Variants in HLA-DRB5 observed in about 807,000 individuals in gnomAD.
The protein encoded by HLA-DRB5 is major histocompatibility complex, class II, DR beta 5.
HLA-DRB5 carries 11 observed loss-of-function variants against 22.4 expected under a neutral mutation model. That is an observed-to-expected ratio of 0.49 (90% CI 0.31 to 0.81). The LOEUF (loss-of-function observed/expected upper bound fraction) is 0.81, where lower values mean the gene tolerates loss of function less well. Among genes scored for constraint, HLA-DRB5 ranks in the 40% least tolerant of loss-of-function variants. The pLI is 0.05. For missense variants in HLA-DRB5, 106 were observed against 274.4 expected (o/e 0.39, Z 4.34); for synonymous variants, 57 against 106.0 (o/e 0.54, Z 2.84).
intron 2 of HLA-DRB5, among the ~76,000 whole-genome samples, chr6:32,520,337 C>G (rs143187717): frequency 4.3e-4 from 32 of 75,142 alleles, no homozygotes; most frequent in Non-Finnish European, 6.7e-4. Flanking sequence ...TACTGCCATG[C>G]ACTCACACCT....
chr6:32,528,323 T>G (rs1188552166), intron 1 of HLA-DRB5, among the ~76,000 whole-genome samples: 52,335 of 92,548 alleles, frequency 0.57, 11,416 homozygotes, highest in Middle Eastern at 0.65. Context: ...TCTCCTCCAC[T>G]CTTGTGTAAC....
rs139060225 is a variant in HLA-DRB5 at position 32,525,862 on chromosome 6, G to A, written c.101-3688C>T. Among the ~76,000 whole-genome samples, 614 of 103,320 alleles carry A rather than the reference G, an allele frequency of 5.9e-3. No homozygotes were observed. The East Asian group carries it at 0.063, about 11-fold the overall frequency. 67.8% of individuals were successfully genotyped at this position (103,320 alleles called of 152,430 possible). A position where few individuals can be genotyped will look rare whatever the true frequency, so the allele number is the denominator to read the frequency against. On this transcript the variant is annotated intron_variant, in intron 1 of 5. Coordinates refer to ENST00000374975, the MANE Select transcript of HLA-DRB5 (RefSeq NM_002125.4). Reference sequence around the variant, plus strand: ...CATCACTCCATTCTCATGACCTAGAGTAGTAACTGGTATATTCTAAGTCAC... The same window carrying A: ...CATCACTCCATTCTCATGACCTAGAATAGTAACTGGTATATTCTAAGTCAC...
intron 1 of HLA-DRB5, among the ~76,000 whole-genome samples, chr6:32,523,984 G>T (rs113817081): frequency 0.63 from 38,007 of 60,510 alleles, 15,612 homozygotes; most frequent in Middle Eastern, 0.83. Context: ...AAACCCCTGT[G>T]GTGACAACCA....
intron 1 of HLA-DRB5, among the ~76,000 whole-genome samples, chr6:32,523,441 G>T (rs115022955): frequency 0.13 from 3,942 of 31,002 alleles, 1,251 homozygotes; most frequent in East Asian, 0.18. Context: ...AAAAATAACT[G>T]AAAAATAATC....
rs193031251 is a variant in HLA-DRB5, at chr6:32,526,218, G to A, written c.100+3907C>T. Among the ~76,000 whole-genome samples the A allele has an allele frequency of 1.0e-4, 4 of 39,526 alleles. 1 individual carries two copies. The highest frequency in any genetic ancestry group is 2.0e-4 in the Non-Finnish European group (4 of 19,932). The allele number at this position is 39,526 out of a possible 152,430, so 25.9% of individuals were successfully genotyped here. A position where few individuals can be genotyped will look rare whatever the true frequency, so the allele number is the denominator to read the frequency against. On this transcript the variant is annotated intron_variant, in intron 1 of 5. Coordinates refer to ENST00000374975, the MANE Select transcript of HLA-DRB5 (RefSeq NM_002125.4). ...AATATCAGCTCCACCAATCCCAGCC[G>A]TTGCTTCTCTGTCACATTCTCACTT... is the stretch of plus-strand genomic sequence containing the variant.
intron 1 of HLA-DRB5, among the ~76,000 whole-genome samples, chr6:32,523,138 G>T (rs1581595640): frequency 2.3e-5 from 1 of 44,106 alleles, no homozygotes; most frequent in Non-Finnish European, 4.7e-5. Flanking sequence ...GAGATTTAAG[G>T]AGAATAAAAC....
chr6:32,519,191 A>AG (rs1199782171), intron 3 of HLA-DRB5, among the ~76,000 whole-genome samples, 179 bp downstream of exon 3: 1,867 of 37,816 alleles, frequency 0.049, 20 homozygotes, highest in Middle Eastern at 0.08. Context: ...CTGCTTCCCC[A>AG]GAGGATACAG....
In HLA-DRB5 at chr6:32,517,468, G is replaced by T. The variant is rs1581569249; in HGVS notation, c.*271C>A. The T allele has an allele frequency of 1.7e-5, 2 of 119,076 alleles. No individual in the cohort carries two copies. The highest frequency in any genetic ancestry group is 6.9e-5 in the South Asian group (1 of 14,494). The allele number at this position is 119,076 out of a possible 1,614,324, so 7.4% of individuals were successfully genotyped here. On this transcript the variant is annotated 3_prime_UTR_variant, in exon 6 of 6. Transcript: ENST00000374975. ...AACGTAGTGCATTTGTGGCACACAGGGGGAGTACAGATGCATGGGAGGCCG... is the reference window on the plus strand; with the variant it reads ...AACGTAGTGCATTTGTGGCACACAGTGGGAGTACAGATGCATGGGAGGCCG...
intron 2 of HLA-DRB5, among the ~76,000 whole-genome samples, chr6:32,521,470 T>C (rs116819869): frequency 0.8 from 90,471 of 113,604 alleles, 38,110 homozygotes; most frequent in Middle Eastern, 0.89. Flanking sequence ...GGCCTCCTCA[T>C]ATTATCACAA....
chr6:32,524,080 A>G (rs375494274), intron 1 of HLA-DRB5, among the ~76,000 whole-genome samples: 40 of 50,026 alleles, frequency 8.0e-4, no homozygotes, highest in East Asian at 2.9e-3. Flanking sequence ...TAAGAACCAC[A>G]GGTGTGAACC....
intron 1 of HLA-DRB5, among the ~76,000 whole-genome samples, chr6:32,524,869 C>T (rs796730471): frequency 0.1 from 3,739 of 35,774 alleles, 1,078 homozygotes; most frequent in East Asian, 0.14. Flanking sequence ...AAATTGTGGT[C>T]GTGTGTCTGA....
chr6:32,528,324 C>A (rs186165968), intron 1 of HLA-DRB5, among the ~76,000 whole-genome samples: 52,018 of 99,606 alleles, frequency 0.52, 11,430 homozygotes, highest in Middle Eastern at 0.62. Flanking sequence ...CTCCTCCACT[C>A]TTGTGTAACC....
chr6:32,520,044 A>G (rs796784269), intron 2 of HLA-DRB5, among the ~76,000 whole-genome samples: 34 of 36,322 alleles, frequency 9.4e-4, no homozygotes, highest in Non-Finnish European at 1.4e-3. Flanking sequence ...TTTCTCACCC[A>G]TAATAGAGGA....
chr6:32,527,131 G>T (rs1410620913), intron 1 of HLA-DRB5, among the ~76,000 whole-genome samples: 3 of 128,992 alleles, frequency 2.3e-5, no homozygotes, highest in Non-Finnish European at 3.2e-5. Context: ...TCCCTGCTGT[G>T]CTCCTAAATA....
chr6:32,524,475 T>C (rs1422192564), intron 1 of HLA-DRB5, among the ~76,000 whole-genome samples: 1 of 103,000 alleles, frequency 9.7e-6, no homozygotes, highest in Admixed American at 1.1e-4. Context: ...TTACCAGCCT[T>C]GGCCAGAGAT....
intron 2 of HLA-DRB5, among the ~76,000 whole-genome samples, chr6:32,520,421 C>G (rs1424574182): frequency 3.2e-4 from 24 of 75,724 alleles, no homozygotes; most frequent in African/African-American, 1.1e-3. Flanking sequence ...CTTTAAGTTC[C>G]CAGCAAAGCA....
At chr6:32,528,240 A>T (rs150547547) in intron 1 of HLA-DRB5, among the ~76,000 whole-genome samples, 27,381 of 106,748 alleles carry the variant, frequency 0.26, 564 homozygotes, top group Admixed American at 0.33. Flanking sequence ...CACAAACCTG[A>T]TGTCTTTTCT....
chr6:32,517,695 A>G lies in HLA-DRB5; in HGVS notation c.*44T>C, dbSNP rs781063480. The G allele has an allele frequency of 1.2e-5, 5 of 419,594 alleles. 2 individuals carry two copies. Among genetic ancestry groups the G allele is most frequent in the South Asian group, 9.0e-5 (3 of 33,286 alleles). The allele number at this position is 419,594 out of a possible 1,614,324, so 26.0% of individuals were successfully genotyped here. On this transcript the variant is annotated 3_prime_UTR_variant, in exon 6 of 6. Transcript: ENST00000374975. ...AAGCAGGAAAGCTTTTCATCATGCA[A>G]AGCTGGGGCAGAAGGTTCCCCCTTG... is the stretch of plus-strand genomic sequence containing the variant.
chr6:32,518,987 T>C (rs1768456772), intron 3 of HLA-DRB5, among the ~76,000 whole-genome samples: 1 of 107,684 alleles, frequency 9.3e-6, no homozygotes, highest in Non-Finnish European at 2.0e-5. Flanking sequence ...GATATTGGAC[T>C]CCCCTCATGT....
Sources: allele counts gnomAD v4.1 joint callset (sites outside exome capture counted in the v4.1 genomes callset), GRCh38; gene constraint gnomAD v4.1.1; transcripts MANE v1.5; gene names NCBI Gene and HGNC (gene_info 2026-07-23, HGNC 2026-07-21).